The following REPS2 variants were observed in gnomAD, a reference collection of about 807,000 sequenced individuals.
REPS2 encodes the protein RALBP1 associated Eps domain containing 2.
In REPS2, 23 loss-of-function variants were observed where a neutral mutation model predicts 53.6. The ratio of observed to expected loss-of-function variants is 0.43; its 90% confidence interval spans 0.31 to 0.61. REPS2 has a LOEUF of 0.61. Ranked by LOEUF, REPS2 falls within the 20% of genes least tolerant of loss-of-function variation. REPS2 has a pLI of 0.11. For synonymous variants in REPS2, 238 were observed against 218.6 expected (o/e 1.09, Z -0.78); for missense variants, 446 against 534.9 (o/e 0.83, Z 1.64).
intron 5 of REPS2, among the ~76,000 whole-genome samples, chrX:17,045,503 A>G (rs994679975): frequency 9.1e-6 from 1 of 109,553 alleles, no homozygotes; most frequent in Non-Finnish European, 1.9e-5. Flanking sequence ...ATATCAAAAC[A>G]CTCTGTGAAA....
At chrX:17,182,758 G>A in the REPS2 span, among the ~76,000 whole-genome samples, 1 of 112,434 alleles carries the variant, frequency 8.9e-6, no homozygotes. Flanking sequence ...GGCATTTGAC[G>A]TGAAACAAGA....
At position 17,025,162 on chromosome X, in the gene REPS2, G is replaced by C. The variant is rs371199285; in HGVS notation, c.650G>C (p.Ser217Thr). The change falls in exon 4 of 18, where the codon AGC (serine) becomes ACC (threonine). Residue 217 changes from serine (S) to threonine (T), a missense_variant. Coordinates refer to ENST00000357277, the MANE Select transcript of REPS2 (RefSeq NM_004726.3). ...AGCCATGGCTACAGCAAACTGCGGA[G>C]CAGCGCAGAACAGATGCATCCAGGT... ...PLSHGYSKLRSSAEQMHPAPY... is the reference protein window; with the variant it reads ...PLSHGYSKLRTSAEQMHPAPY... The C allele has an allele frequency of 8.3e-7, 1 of 1,210,151 alleles. No individual in the cohort carries two copies. The highest frequency in any genetic ancestry group is 1.7e-5 in the African/African-American group (1 of 57,233).
chrX:17,020,437 TAG>T (rs910485406), intron 2 of REPS2, among the ~76,000 whole-genome samples: 1 of 111,650 alleles, frequency 9.0e-6, no homozygotes, highest in East Asian at 2.8e-4. Flanking sequence ...ACCAAAACCA[TAG>T]AGTTAGCTTA....
chrX:17,165,810 G>A, the REPS2 span, among the ~76,000 whole-genome samples: 3 of 111,058 alleles, frequency 2.7e-5, no homozygotes, highest in Non-Finnish European at 3.8e-5. Flanking sequence ...TGCTCATGGT[G>A]GTGAGAATGT....
intron 6 of REPS2, among the ~76,000 whole-genome samples, chrX:17,052,053 T>TG (rs1416917384): frequency 8.9e-6 from 1 of 112,425 alleles, no homozygotes; most frequent in Non-Finnish European, 1.9e-5. Flanking sequence ...GCCAAATTTG[T>TG]TCAAAGTTTT....
chrX:17,026,361 T>A (rs1394722244), intron 4 of REPS2, among the ~76,000 whole-genome samples: 1 of 111,754 alleles, frequency 8.9e-6, no homozygotes, highest in Admixed American at 9.5e-5. Flanking sequence ...GTAACTTGAA[T>A]ATCTCAGTGG....
intron 13 of REPS2, among the ~76,000 whole-genome samples, chrX:17,086,306 C>T (rs1306990606): frequency 1.8e-5 from 2 of 112,002 alleles, no homozygotes; most frequent in Non-Finnish European, 3.8e-5. Context: ...TGTCTAATGC[C>T]TTTATTTTTG....
chrX:17,140,424 C>T (rs1322095384), intron 17 of REPS2, among the ~76,000 whole-genome samples: 2 of 110,589 alleles, frequency 1.8e-5, no homozygotes, highest in Non-Finnish European at 3.8e-5. Flanking sequence ...ACCCCAACCC[C>T]ATTTGCCCCA....
intron 1 of REPS2, among the ~76,000 whole-genome samples, chrX:16,976,106 C>A (rs1175844531): frequency 9.0e-6 from 1 of 111,519 alleles, no homozygotes; most frequent in Non-Finnish European, 1.9e-5. Context: ...CCCCTGGTAA[C>A]CTCATTTTAT....
At chrX:17,179,758 T>C in the REPS2 span, among the ~76,000 whole-genome samples, 1 of 111,609 alleles carries the variant, frequency 9.0e-6, no homozygotes. Flanking sequence ...AGATATAACA[T>C]CATCAGTAGA....
the REPS2 span, among the ~76,000 whole-genome samples, chrX:17,188,743 A>AT: frequency 1.9e-3 from 216 of 111,229 alleles, 1 homozygote; most frequent in Non-Finnish European, 2.9e-3. Flanking sequence ...TCATTTTCTG[A>AT]TTTTTTTTTA....
At chrX:16,979,563 G>C (rs1299515598) in intron 1 of REPS2, among the ~76,000 whole-genome samples, 1 of 111,983 alleles carries the variant, frequency 8.9e-6, no homozygotes, top group African/African-American at 3.2e-5. Flanking sequence ...AGAATGTCCA[G>C]AATAAAAGTG....
chrX:16,968,253 A>T (rs1415854251), intron 1 of REPS2, among the ~76,000 whole-genome samples: 3 of 111,771 alleles, frequency 2.7e-5, no homozygotes, highest in Non-Finnish European at 5.7e-5. Flanking sequence ...TTCTACACAG[A>T]CACGGCAACC....
At position 17,151,058 on chromosome X, in the gene REPS2, C is replaced by CT. The variant is rs1423641162; in HGVS notation, c.*3578dup. On this transcript the variant is annotated 3_prime_UTR_variant, in exon 18 of 18. Transcript: ENST00000357277. ...ACCTTTTATGATGCAATAAGTTACT[C>CT]TGAGTTTCTTGGCAGAGTTTTTGAC... 1 of 112,400 alleles carries CT rather than the reference C, an allele frequency of 8.9e-6. No homozygotes were observed. The highest frequency in any genetic ancestry group is 1.9e-5 in the Non-Finnish European group (1 of 53,263). 9.3% of individuals were successfully genotyped at this position (112,400 alleles called of 1,213,427 possible). A position where few individuals can be genotyped will look rare whatever the true frequency, so the allele number is the denominator to read the frequency against.
intron 11 of REPS2, among the ~76,000 whole-genome samples, chrX:17,073,020 G>T (rs1469760413): frequency 1.0e-5 from 1 of 96,551 alleles, no homozygotes; most frequent in African/African-American, 3.3e-5. Context: ...TGTATCTCTT[G>T]TGCAGCTGAC....
intron 14 of REPS2, among the ~76,000 whole-genome samples, chrX:17,110,445 G>A: frequency 9.3e-6 from 1 of 107,151 alleles, no homozygotes; most frequent in African/African-American, 3.4e-5. Flanking sequence ...AAAGTTTTGG[G>A]AGGCCGAGGT....
intron 1 of REPS2, among the ~76,000 whole-genome samples, chrX:16,998,989 T>C (rs1301729588): frequency 3.6e-5 from 4 of 112,456 alleles, no homozygotes; most frequent in Non-Finnish European, 5.6e-5. Context: ...TATTCTCAAC[T>C]TTTAAACTTG....
intron 3 of REPS2, among the ~76,000 whole-genome samples, chrX:17,023,688 A>T (rs185540702): frequency 2.8e-4 from 31 of 111,069 alleles, no homozygotes; most frequent in South Asian, 7.6e-4. Flanking sequence ...AGGTATAGGA[A>T]TTTTCAGTCA....
intron 9 of REPS2, among the ~76,000 whole-genome samples, chrX:17,067,745 A>G (rs2062244346): frequency 8.9e-6 from 1 of 112,015 alleles, no homozygotes; most frequent in Non-Finnish European, 1.9e-5. Flanking sequence ...TTGTGGGGCC[A>G]CTTGTCAGAA....
Sources: gnomAD v4.1 joint callset for allele counts (sites outside exome capture counted in the v4.1 genomes callset) on GRCh38, gnomAD v4.1.1 for gene constraint, MANE v1.5 for transcripts, NCBI Gene and HGNC (gene_info 2026-07-23, HGNC 2026-07-21) for gene names.